Variants in CNTN5 observed in about 807,000 individuals in gnomAD.
CNTN5 encodes the protein contactin-5.
A neutral mutation model predicts 129.1 loss-of-function variants in CNTN5; 77 were observed. That is an observed-to-expected ratio of 0.60 (90% confidence interval 0.50 to 0.72). The LOEUF (loss-of-function observed/expected upper bound fraction) is 0.72, where lower values mean the gene tolerates loss of function less well. Among genes scored for constraint, CNTN5 ranks in the 30% least tolerant of loss-of-function variants. The pLI is 0.00. For missense variants in CNTN5, 1,478 were observed against 1,328.8 expected (o/e 1.11, Z -1.75); for synonymous variants, 509 against 465.6 (o/e 1.09, Z -1.20).
chr11:100,030,480 C>T (rs1454183281), intron 9 of CNTN5, among the ~76,000 whole-genome samples: 1 of 152,150 alleles, frequency 6.6e-6, no homozygotes, highest in East Asian at 1.9e-4. Flanking sequence ...ATTAACATGG[C>T]ATTTTTACCA....
At chr11:99,795,974 C>T (rs966995057) in intron 3 of CNTN5, among the ~76,000 whole-genome samples, 5 of 152,108 alleles carry the variant, frequency 3.3e-5, no homozygotes, top group African/African-American at 1.2e-4. Context: ...AGCAGCAATG[C>T]TAGAGGGTGG....
chr11:99,902,319 T>C (rs1949381044), intron 6 of CNTN5, among the ~76,000 whole-genome samples: 1 of 151,344 alleles, frequency 6.6e-6, no homozygotes, highest in Non-Finnish European at 1.5e-5. Context: ...GTTAAAATCA[T>C]ATAACAGTAC....
chr11:99,282,558 A>C (rs1027538239), intron 1 of CNTN5, among the ~76,000 whole-genome samples: 1 of 152,058 alleles, frequency 6.6e-6, no homozygotes, highest in African/African-American at 2.4e-5. Flanking sequence ...AAATTCAAGG[A>C]TAATGGGAAA....
chr11:99,513,569 C>T (rs1591193421), intron 2 of CNTN5, among the ~76,000 whole-genome samples: 1 of 151,994 alleles, frequency 6.6e-6, no homozygotes, highest in African/African-American at 2.4e-5. Context: ...AAGTTGAAGC[C>T]AATGCTCATG....
At chr11:99,510,626 A>T (rs1345365307) in intron 2 of CNTN5, among the ~76,000 whole-genome samples, 1 of 152,194 alleles carries the variant, frequency 6.6e-6, no homozygotes, top group Non-Finnish European at 1.5e-5. Context: ...AGGGTGCTTC[A>T]ATAGTGGAGC....
At chr11:100,353,390 T>G (rs2139044663) in intron 24 of CNTN5, among the ~76,000 whole-genome samples, 1 of 151,758 alleles carries the variant, frequency 6.6e-6, no homozygotes, top group African/African-American at 2.4e-5. Context: ...GAACTTAGTC[T>G]AATGTTGCTC....
chr11:100,025,941 GAATT>G (rs1281344116), intron 9 of CNTN5, among the ~76,000 whole-genome samples: 2 of 152,176 alleles, frequency 1.3e-5, no homozygotes, highest in South Asian at 2.1e-4. Context: ...GTTAATGGTA[GAATT>G]AATTAAGAAT....
intron 3 of CNTN5, among the ~76,000 whole-genome samples, chr11:99,636,949 G>C (rs181493193): frequency 0.073 from 2,888 of 39,616 alleles, 91 homozygotes; most frequent in Middle Eastern, 0.15. Context: ...GGAGGCAGAG[G>C]TTGCAGTGAG....
At chr11:99,943,726 G>C (rs562855201) in intron 7 of CNTN5, among the ~76,000 whole-genome samples, 1 of 152,054 alleles carries the variant, frequency 6.6e-6, no homozygotes, top group South Asian at 2.1e-4. Context: ...TGTAAGGAAG[G>C]GGTCCAGTTT....
intron 1 of CNTN5, among the ~76,000 whole-genome samples, chr11:99,157,665 C>A (rs11218579): frequency 6.6e-6 from 1 of 152,044 alleles, no homozygotes; most frequent in African/African-American, 2.4e-5. Flanking sequence ...AAAGCAAAAA[C>A]TTCCATGTCT....
intron 2 of CNTN5, among the ~76,000 whole-genome samples, chr11:99,510,007 A>T (rs576098873): frequency 6.6e-6 from 1 of 151,596 alleles, no homozygotes; most frequent in Non-Finnish European, 1.5e-5. Context: ...AATTTTAAAA[A>T]AAATGTAAAT....
chr11:99,244,481 A>G (rs1291478655), intron 1 of CNTN5, among the ~76,000 whole-genome samples: 2 of 152,208 alleles, frequency 1.3e-5, no homozygotes, highest in Non-Finnish European at 2.9e-5. Context: ...AATTATTATT[A>G]TAAATTAACA....
At chr11:99,178,977 A>G (rs192480354) in intron 1 of CNTN5, among the ~76,000 whole-genome samples, 6 of 152,224 alleles carry the variant, frequency 3.9e-5, no homozygotes, top group Admixed American at 3.3e-4. Flanking sequence ...TATAAACATA[A>G]ATACACACAG....
chr11:100,049,930 A>T (rs1405899359), intron 9 of CNTN5, among the ~76,000 whole-genome samples: 1 of 152,212 alleles, frequency 6.6e-6, no homozygotes, highest in Non-Finnish European at 1.5e-5. Flanking sequence ...ATGAGATACC[A>T]TCTCACACCA....
chr11:99,845,350 G>A (rs2135699158), intron 6 of CNTN5, 88 bp downstream of exon 6: 1 of 302,886 alleles, frequency 3.3e-6, no homozygotes, highest in Non-Finnish European at 5.9e-6. Flanking sequence ...GGAAAGAAAA[G>A]CCTAAGATCT....
chr11:99,471,453 C>T (rs1945169669), intron 2 of CNTN5, among the ~76,000 whole-genome samples: 1 of 152,068 alleles, frequency 6.6e-6, no homozygotes, highest in South Asian at 2.1e-4. Flanking sequence ...CAGGAAGCTC[C>T]TTTCCTGGTC....
At chr11:100,190,498 A>G (rs2123324) in intron 13 of CNTN5, among the ~76,000 whole-genome samples, 2 of 152,178 alleles carry the variant, frequency 1.3e-5, no homozygotes, top group African/African-American at 4.8e-5. Flanking sequence ...TTTCACCTTC[A>G]TATGAAAGTG....
At chr11:100,005,827 AAAG>A (rs1940156510) in intron 9 of CNTN5, among the ~76,000 whole-genome samples, 1 of 152,180 alleles carries the variant, frequency 6.6e-6, no homozygotes, top group African/African-American at 2.4e-5. Context: ...AGGGACAAAC[AAAG>A]AAGATCATAA....
intron 24 of CNTN5, among the ~76,000 whole-genome samples, chr11:100,352,189 G>T (rs1952432512): frequency 6.6e-6 from 1 of 151,372 alleles, no homozygotes; most frequent in South Asian, 2.1e-4. Flanking sequence ...CCTCTGATAG[G>T]CCCTAGCGTG....
Sources: allele counts gnomAD v4.1 joint callset (sites outside exome capture counted in the v4.1 genomes callset), GRCh38; gene constraint gnomAD v4.1.1; transcripts MANE v1.5; gene names NCBI Gene and HGNC (gene_info 2026-07-23, HGNC 2026-07-21).